The following AREL1 variants were observed in gnomAD, a reference collection of about 807,000 sequenced individuals.
The protein encoded by AREL1 is apoptosis-resistant E3 ubiquitin protein ligase 1.
Under a neutral mutation model 99.0 loss-of-function variants are expected in AREL1, and 62 were observed. The observed-to-expected ratio is 0.63, with a 90% CI of 0.51 to 0.77. The LOEUF (loss-of-function observed/expected upper bound fraction) is 0.77, where lower values mean the gene tolerates loss of function less well. AREL1 is among the 30% of genes least tolerant of loss of function. AREL1 has a pLI of 0.00. For synonymous variants in AREL1, 380 were observed against 376.5 expected (o/e 1.01, Z -0.11); for missense variants, 879 against 1,027.6 (o/e 0.86, Z 1.98).
rs2089316530 is a variant in AREL1, at chr14:74,670,746, C to A, written c.1608+16G>T. 6.2e-7 allele frequency: 1 copy of A among 1,610,416 alleles called. No individual in the cohort carries two copies. The highest frequency in any genetic ancestry group is 8.5e-7 in the Non-Finnish European group (1 of 1,176,696). ...TAACATAATCCACATTTTCCACCCA[C>A]CCGTCACCAACTCACTAATGCTTGG... On this transcript the variant is annotated intron_variant, in intron 13 of 19. Transcript: ENST00000356357.
At chr14:74,691,694 T>A (rs529788757) in intron 2 of AREL1, among the ~76,000 whole-genome samples, 1 of 152,336 alleles carries the variant, frequency 6.6e-6, no homozygotes, top group South Asian at 2.1e-4. Context: ...TCACATTACC[T>A]ACCAAAGGGG....
chr14:74,669,114 T>C (rs2089273115), intron 15 of AREL1, among the ~76,000 whole-genome samples: 1 of 152,172 alleles, frequency 6.6e-6, no homozygotes, highest in African/African-American at 2.4e-5. Context: ...AGGCTGGTCT[T>C]GAACTCCTGG....
At chr14:74,697,829 C>A (rs1038028656) in intron 1 of AREL1, among the ~76,000 whole-genome samples, 1 of 152,066 alleles carries the variant, frequency 6.6e-6, no homozygotes, top group African/African-American at 2.4e-5. Flanking sequence ...AGCAGGCAAT[C>A]CCCCAAATCA....
At chr14:74,695,699 T>C (rs1310158415) in intron 1 of AREL1, among the ~76,000 whole-genome samples, 1 of 152,164 alleles carries the variant, frequency 6.6e-6, no homozygotes, top group Non-Finnish European at 1.5e-5. Context: ...TTGAAATTAT[T>C]TGTTTATATA....
chr14:74,712,525 C>T (rs1218442728), intron 1 of AREL1, among the ~76,000 whole-genome samples: 1 of 152,182 alleles, frequency 6.6e-6, no homozygotes, highest in Non-Finnish European at 1.5e-5. Flanking sequence ...AGATGACACA[C>T]CAAGGCTTCA....
Position 74,663,742 on chromosome 14 carries a change from C to T in AREL1, c.2450G>A (p.Cys817Tyr), listed in dbSNP as rs2139846675. ...RMLQLAISEG[C>Y]EGFGML The stretch of plus-strand genomic sequence containing the variant: ...TGGTCAGAGCATGCCAAAGCCCTCG[C>T]AACCCTCGCTGATGGCCAGCTGCAG... The change falls in exon 20 of 20, where the codon TGC becomes TAC. Residue 817 changes from cysteine (C) to tyrosine (Y), a missense_variant. Coordinates refer to ENST00000356357, the MANE Select transcript of AREL1 (RefSeq NM_001039479.2). 6.2e-7 allele frequency: 1 copy of T among 1,614,122 alleles called. No homozygotes were observed. Among genetic ancestry groups the T allele is most frequent in the Middle Eastern group, 1.7e-4 (1 of 6,020 alleles).
At position 74,670,860 on chromosome 14, in the gene AREL1, C is replaced by T; in HGVS notation, c.1510G>A (p.Gly504Arg). The T allele has an allele frequency of 6.2e-7, 1 of 1,614,058 alleles. No individual in the cohort carries two copies. Among genetic ancestry groups the T allele is most frequent in the East Asian group, 2.2e-5 (1 of 44,882 alleles). Residue 504 changes from glycine (G) to arginine (R), a missense_variant, in exon 13 of 20, where the codon GGA (glycine) becomes AGA (arginine). Transcript: ENST00000356357. ...VFQDEEALDW[G>R]GPRREWFELI... ...TCAAACCATTCCCGGCGAGGCCCTCCCCAGTCCAGAGCTGAAAAGCATAAT... is the reference window on the plus strand; with the variant it reads ...TCAAACCATTCCCGGCGAGGCCCTCTCCAGTCCAGAGCTGAAAAGCATAAT...
At chr14:74,688,019 CTTTTTTTTTTTTT>C (rs764034669) in intron 2 of AREL1, among the ~76,000 whole-genome samples, 4 of 108,704 alleles carry the variant, frequency 3.7e-5, no homozygotes, top group Non-Finnish European at 5.6e-5. Flanking sequence ...TGAGTACTTA[CTTTTTTTTTTTTT>C]TTTTTTTTTT....
intron 1 of AREL1, among the ~76,000 whole-genome samples, chr14:74,700,681 G>C (rs1339127273): frequency 6.6e-6 from 1 of 152,200 alleles, no homozygotes; most frequent in Non-Finnish European, 1.5e-5. Context: ...TGGGGAAGCT[G>C]AGGCAGGAGA....
chr14:74,702,442 C>T (rs575629631), intron 1 of AREL1, among the ~76,000 whole-genome samples: 1 of 152,186 alleles, frequency 6.6e-6, no homozygotes, highest in Non-Finnish European at 1.5e-5. Flanking sequence ...TGTACCTTGG[C>T]TCCTTTCAGC....
chr14:74,692,269 C>T lies in AREL1; in HGVS notation c.-274G>A, dbSNP rs2139946977. On this transcript the variant is annotated 5_prime_UTR_variant, in exon 2 of 20. It removes an upstream start codon present in the reference 5' UTR. Transcript: ENST00000356357. ...AGAGAAATACAGCCCAAGAATATAT[C>T]ATTCCTGGACTTCTCTCTAGTGCAG... 1 of 456,594 alleles carries T rather than the reference C, an allele frequency of 2.2e-6. No homozygotes were observed. The highest frequency in any genetic ancestry group is 2.3e-5 in the Admixed American group (1 of 42,560). 28.3% of individuals were successfully genotyped at this position (456,594 alleles called of 1,614,324 possible).
At chr14:74,670,226 G>T in intron 13 of AREL1, 100 bp from the exon 14 acceptor site, 1 of 1,254,862 alleles carries the variant, frequency 8.0e-7, no homozygotes, top group Non-Finnish European at 1.1e-6. Flanking sequence ...GGAACAAGAT[G>T]TCACTGTGAG....
intron 1 of AREL1, among the ~76,000 whole-genome samples, chr14:74,699,348 G>GGTGTGTGTGTGTGT (rs770359342): frequency 3.6e-4 from 52 of 143,556 alleles, no homozygotes; most frequent in South Asian, 1.1e-3. Flanking sequence ...GACAGTGAGG[G>GGTGTGTGTGTGTGT]GTGTGTGTGT....
chr14:74,697,219 T>G (rs80194463), intron 1 of AREL1, among the ~76,000 whole-genome samples: 74 of 152,098 alleles, frequency 4.9e-4, no homozygotes, highest in Non-Finnish European at 9.7e-4. Context: ...AAAATTTTGG[T>G]GCATACAGAG....
intron 10 of AREL1, 60 bp downstream of exon 10, chr14:74,673,017 C>T: frequency 1.9e-6 from 3 of 1,613,908 alleles, no homozygotes; most frequent in South Asian, 2.2e-5. Context: ...CCTGCCTCTC[C>T]ACCCTCATGG....
At chr14:74,692,516 C>T (rs1323130418) in intron 1 of AREL1, among the ~76,000 whole-genome samples, 188 bp from the exon 2 acceptor site, 1 of 152,300 alleles carries the variant, frequency 6.6e-6, no homozygotes, top group East Asian at 1.9e-4. Context: ...TGAGGCCTCT[C>T]TCCAACTCCA....
chr14:74,662,897 C>T lies in AREL1; in HGVS notation c.*823G>A, dbSNP rs1053494159. ...GCCCAAGCCGGCCATACTTCAGTGCCAATAACAAACTCAGGGAAAAGCATC... is the reference window on the plus strand; with the variant it reads ...GCCCAAGCCGGCCATACTTCAGTGCTAATAACAAACTCAGGGAAAAGCATC... On this transcript the variant is annotated 3_prime_UTR_variant, in exon 20 of 20. Coordinates refer to ENST00000356357, the MANE Select transcript of AREL1 (RefSeq NM_001039479.2). 6 of 316,816 alleles carry T rather than the reference C, an allele frequency of 1.9e-5. No homozygotes were observed. The South Asian group carries it at 6.4e-4, about 34-fold the overall frequency. 19.6% of individuals were successfully genotyped at this position (316,816 alleles called of 1,614,324 possible).
chr14:74,676,785 T>G (rs752977845), intron 5 of AREL1, 33 bp from the exon 6 acceptor site: 1 of 1,461,006 alleles, frequency 6.8e-7, no homozygotes, highest in Non-Finnish European at 9.1e-7. Flanking sequence ...TAACATTTAT[T>G]TATTTTATTT....
intron 1 of AREL1, among the ~76,000 whole-genome samples, chr14:74,704,422 G>A (rs537299245): frequency 3.0e-4 from 46 of 152,222 alleles, no homozygotes; most frequent in African/African-American, 8.4e-4. Context: ...CCAGAAAGGC[G>A]GGACAACTTG....
Sources: gnomAD v4.1 joint callset for allele counts (sites outside exome capture counted in the v4.1 genomes callset) on GRCh38, gnomAD v4.1.1 for gene constraint, MANE v1.5 for transcripts, NCBI Gene and HGNC (gene_info 2026-07-23, HGNC 2026-07-21) for gene names.